Variants in RABGAP1L observed in about 807,000 individuals in gnomAD.
RABGAP1L encodes the protein RAB GTPase activating protein 1 like.
Under a neutral mutation model 137.7 loss-of-function variants are expected in RABGAP1L, and 63 were observed. The ratio of observed to expected loss-of-function variants is 0.46; its 90% confidence interval spans 0.37 to 0.56. The LOEUF (loss-of-function observed/expected upper bound fraction) is 0.56, where lower values mean the gene tolerates loss of function less well. RABGAP1L is among the 20% of genes least tolerant of loss of function. The pLI, the probability that RABGAP1L is intolerant of heterozygous loss-of-function variation, is 0.00. For synonymous variants in RABGAP1L, 431 were observed against 433.7 expected (o/e 0.99, Z 0.08); for missense variants, 1,095 against 1,244.0 (o/e 0.88, Z 1.80).
intron 19 of RABGAP1L, among the ~76,000 whole-genome samples, chr1:174,819,503 C>T (rs1020051567): frequency 3.0e-4 from 45 of 152,084 alleles, no homozygotes; most frequent in African/African-American, 1.1e-3. Context: ...TAAATGTATA[C>T]TTACAGAGTG....
At chr1:174,548,618 A>G (rs1021568317) in intron 13 of RABGAP1L, 116 of 907,442 alleles carry the variant, frequency 1.3e-4, no homozygotes, top group Middle Eastern at 1.1e-3. Flanking sequence ...GGGCTTCTGC[A>G]TACCACCCAT....
intron 13 of RABGAP1L, among the ~76,000 whole-genome samples, chr1:174,495,732 A>G (rs1309738779): frequency 6.6e-6 from 1 of 152,192 alleles, no homozygotes; most frequent in Non-Finnish European, 1.5e-5. Context: ...AATTAGTTAT[A>G]GTAATCATAT....
At chr1:174,733,465 T>A (rs1337961726) in intron 17 of RABGAP1L, among the ~76,000 whole-genome samples, 1 of 152,238 alleles carries the variant, frequency 6.6e-6, no homozygotes, top group Admixed American at 6.5e-5. Context: ...CAATTTGTAT[T>A]TATTTCTCTA....
At chr1:174,273,072 T>A (rs537777394) in intron 8 of RABGAP1L, among the ~76,000 whole-genome samples, 1 of 152,174 alleles carries the variant, frequency 6.6e-6, no homozygotes, top group African/African-American at 2.4e-5. Context: ...GTGAAAACAT[T>A]TAATTTGTGA....
intron 13 of RABGAP1L, among the ~76,000 whole-genome samples, chr1:174,608,977 A>G (rs1420567148): frequency 6.6e-6 from 1 of 152,172 alleles, no homozygotes; most frequent in Non-Finnish European, 1.5e-5. Flanking sequence ...TAATATTTTC[A>G]TATTGTGAAC....
chr1:174,746,898 G>C (rs987212069), intron 17 of RABGAP1L, among the ~76,000 whole-genome samples: 19 of 152,112 alleles, frequency 1.2e-4, no homozygotes, highest in Non-Finnish European at 2.4e-4. Flanking sequence ...AGTAGATGTT[G>C]GTTATTATTT....
chr1:174,389,688 C>G (rs569269169), intron 12 of RABGAP1L, among the ~76,000 whole-genome samples: 1 of 152,196 alleles, frequency 6.6e-6, no homozygotes, highest in African/African-American at 2.4e-5. Flanking sequence ...AATTTCATTT[C>G]ATAATTATAT....
chr1:174,391,754 A>G (rs565398151), intron 12 of RABGAP1L, among the ~76,000 whole-genome samples: 70 of 152,334 alleles, frequency 4.6e-4, no homozygotes, highest in African/African-American at 1.5e-3. Flanking sequence ...AACATATACT[A>G]TATTTAACTA....
chr1:174,480,276 T>C (rs1658951771), intron 13 of RABGAP1L, among the ~76,000 whole-genome samples: 1 of 152,232 alleles, frequency 6.6e-6, no homozygotes, highest in Non-Finnish European at 1.5e-5. Flanking sequence ...CCATTTAGAA[T>C]ACTTGGTTCA....
intron 13 of RABGAP1L, among the ~76,000 whole-genome samples, chr1:174,532,309 A>G (rs1664487384): frequency 6.6e-6 from 1 of 151,658 alleles, no homozygotes; most frequent in African/African-American, 2.4e-5. Context: ...CCCGGGTTCG[A>G]GCAAGTCTCC....
At chr1:174,474,283 A>G (rs1253074242) in intron 13 of RABGAP1L, among the ~76,000 whole-genome samples, 1 of 152,142 alleles carries the variant, frequency 6.6e-6, no homozygotes. Flanking sequence ...TTATTTCTTC[A>G]ACTACATTGT....
intron 19 of RABGAP1L, among the ~76,000 whole-genome samples, chr1:174,907,734 C>T (rs1659344540): frequency 6.6e-6 from 1 of 152,084 alleles, no homozygotes; most frequent in African/African-American, 2.4e-5. Flanking sequence ...AACAAATTTA[C>T]TACCTATTAG....
intron 13 of RABGAP1L, among the ~76,000 whole-genome samples, chr1:174,611,815 G>C (rs554768229): frequency 6.6e-6 from 1 of 152,266 alleles, no homozygotes; most frequent in African/African-American, 2.4e-5. Flanking sequence ...TCTCCTTGAA[G>C]CAATTGTGAA....
chr1:174,350,215 G>A (rs1158335540), intron 11 of RABGAP1L, among the ~76,000 whole-genome samples: 10 of 140,196 alleles, frequency 7.1e-5, no homozygotes, highest in South Asian at 7.0e-4. Flanking sequence ...CCTCCCGGAC[G>A]GGGTGGCTGC....
chr1:174,503,280 C>G (rs1030530750), intron 13 of RABGAP1L, among the ~76,000 whole-genome samples: 9 of 152,158 alleles, frequency 5.9e-5, no homozygotes, highest in Non-Finnish European at 1.3e-4. Context: ...ATCCATATGG[C>G]CCACAAAGCC....
intron 11 of RABGAP1L, among the ~76,000 whole-genome samples, chr1:174,370,503 G>T (rs371174495): frequency 2.5e-3 from 44 of 17,474 alleles, no homozygotes; most frequent in South Asian, 9.9e-3. Context: ...TACATCTTAA[G>T]AAACCTAACT....
intron 15 of RABGAP1L, among the ~76,000 whole-genome samples, chr1:174,686,610 A>G (rs1468314070): frequency 6.6e-6 from 1 of 151,428 alleles, no homozygotes; most frequent in East Asian, 1.9e-4. Context: ...CTGAAGTTCA[A>G]GACATGGGTG....
At chr1:174,584,913 C>T (rs184584289) in intron 13 of RABGAP1L, among the ~76,000 whole-genome samples, 6 of 151,950 alleles carry the variant, frequency 3.9e-5, no homozygotes, top group East Asian at 3.9e-4. Flanking sequence ...GTAGCTTCTC[C>T]GTTAAAATCT....
intron 10 of RABGAP1L, among the ~76,000 whole-genome samples, chr1:174,297,639 T>G (rs527822756): frequency 6.6e-6 from 1 of 152,212 alleles, no homozygotes; most frequent in South Asian, 2.1e-4. Flanking sequence ...TAGGGGGTGC[T>G]GTTTTGGGGG....
Sources: gnomAD v4.1 joint callset for allele counts (sites outside exome capture counted in the v4.1 genomes callset) on GRCh38, gnomAD v4.1.1 for gene constraint, MANE v1.5 for transcripts, NCBI Gene and HGNC (gene_info 2026-07-23, HGNC 2026-07-21) for gene names.